The following EFCAB6 variants were observed in gnomAD, a reference collection of about 807,000 sequenced individuals.
The protein encoded by EFCAB6 is EF-hand calcium-binding domain-containing protein 6.
Under a neutral mutation model 169.8 loss-of-function variants are expected in EFCAB6, and 156 were observed. That is an observed-to-expected ratio of 0.92 (90% CI 0.81 to 1.05). EFCAB6 has a LOEUF of 1.05. EFCAB6 is among the 50% of genes least tolerant of loss of function. The pLI, the probability that EFCAB6 is intolerant of heterozygous loss-of-function variation, is 0.00. For synonymous variants in EFCAB6, 698 were observed against 676.4 expected (o/e 1.03, Z -0.50); for missense variants, 1,800 against 1,829.1 (o/e 0.98, Z 0.29).
At chr22:43,581,338 A>T (rs918048102) in intron 24 of EFCAB6, among the ~76,000 whole-genome samples, 9 of 152,204 alleles carry the variant, frequency 5.9e-5, no homozygotes, top group African/African-American at 2.2e-4. Context: ...CACTCAAAAG[A>T]TATTTTACAA....
Position 43,765,485 on chromosome 22 carries a change from A to G in EFCAB6, c.352-92T>C, listed in dbSNP as rs866774478. ...AGATTTCTAAATCACAGCTCTCAGG[A>G]TGTAACAGAGAATACTATTAACAGG... On this transcript the variant is annotated intron_variant, in intron 4 of 31. Transcript: ENST00000262726. The G allele has an allele frequency of 1.2e-5, 11 of 920,970 alleles. No individual in the cohort carries two copies. The Middle Eastern group carries it at 2.5e-3, about 206-fold the overall frequency. The allele number at this position is 920,970 out of a possible 1,614,324, so 57.0% of individuals were successfully genotyped here.
At chr22:43,811,392 GAAAAGAAAAGAAAAGAA>G (rs899118179) in intron 1 of EFCAB6, among the ~76,000 whole-genome samples, 6 of 145,874 alleles carry the variant, frequency 4.1e-5, no homozygotes, top group South Asian at 4.5e-4. Flanking sequence ...AGGGGAGGGA[GAAAAGAAAAGAAAAGAA>G]AAAAGAAAAG....
rs899272681 is a variant in EFCAB6, at chr22:43,795,438, G to T, written c.-7-13113C>A. Among the ~76,000 whole-genome samples, 3 of 152,054 alleles carry T rather than the reference G, an allele frequency of 2.0e-5. No individual in the cohort carries two copies. Among genetic ancestry groups the T allele is most frequent in the African/African-American group, 7.3e-5 (3 of 41,378 alleles). On this transcript the variant is annotated intron_variant, in intron 2 of 31. Transcript: ENST00000262726. The surrounding 1 kb of genome is among the most constrained non-coding windows in gnomAD (Gnocchi z 4.2). Reference sequence around the variant, plus strand: ...CATCATGCCTACCAGTGCCCACTAGGCAGGAGAGGAGCTGCCTCCTGCCCA... The same window carrying T: ...CATCATGCCTACCAGTGCCCACTAGTCAGGAGAGGAGCTGCCTCCTGCCCA...
At chr22:43,716,726 G>T in intron 9 of EFCAB6, 122 bp downstream of exon 9, 1 of 1,224,808 alleles carries the variant, frequency 8.2e-7, no homozygotes, top group Non-Finnish European at 1.1e-6. Context: ...CTCAGTATTG[G>T]AGAAGACATA....
At chr22:43,543,137 G>A (rs562533450) in intron 27 of EFCAB6, among the ~76,000 whole-genome samples, 4 of 152,334 alleles carry the variant, frequency 2.6e-5, no homozygotes, top group East Asian at 3.9e-4. Flanking sequence ...GGGGAGGGAC[G>A]GAATTACACA....
intron 27 of EFCAB6, chr22:43,554,355 C>G (rs967918929): frequency 3.7e-5 from 6 of 162,374 alleles, no homozygotes; most frequent in African/African-American, 1.4e-4. Flanking sequence ...TTCTTCAGCA[C>G]CCAGCACAAG....
At chr22:43,636,922 T>C (rs1372400816) in intron 17 of EFCAB6, among the ~76,000 whole-genome samples, 2 of 152,146 alleles carry the variant, frequency 1.3e-5, no homozygotes, top group Non-Finnish European at 2.9e-5. Context: ...ATTCTTCTTA[T>C]TAACCACTGT....
chr22:43,560,094 C>A (rs1022093882), intron 26 of EFCAB6, among the ~76,000 whole-genome samples: 3 of 152,008 alleles, frequency 2.0e-5, no homozygotes, highest in African/African-American at 7.3e-5. Flanking sequence ...GTTACTGAAG[C>A]AAGACTGGAA....
chr22:43,633,510 T>C (rs987233514), intron 18 of EFCAB6, among the ~76,000 whole-genome samples: 3 of 152,310 alleles, frequency 2.0e-5, no homozygotes, highest in African/African-American at 2.4e-5. Context: ...ATCATGCCAC[T>C]GCACTTCAGC....
chr22:43,727,776 T>C (rs2059792051), intron 8 of EFCAB6, among the ~76,000 whole-genome samples: 1 of 152,162 alleles, frequency 6.6e-6, no homozygotes, highest in Non-Finnish European at 1.5e-5. Context: ...AAGGAATACC[T>C]GAGACTAGAT....
At chr22:43,679,756 T>C (rs2057928862) in intron 12 of EFCAB6, among the ~76,000 whole-genome samples, 1 of 152,206 alleles carries the variant, frequency 6.6e-6, no homozygotes, top group Non-Finnish European at 1.5e-5. Flanking sequence ...CACGGGTTCA[T>C]AAAAGATTGT....
At chr22:43,659,893 C>T (rs1389301137) in intron 17 of EFCAB6, among the ~76,000 whole-genome samples, 4 of 152,116 alleles carry the variant, frequency 2.6e-5, no homozygotes, top group African/African-American at 7.2e-5. Context: ...ATGTCCCTGC[C>T]GTAGAGCAGG....
At chr22:43,555,661 G>A (rs2048662301) in intron 26 of EFCAB6, among the ~76,000 whole-genome samples, 1 of 152,238 alleles carries the variant, frequency 6.6e-6, no homozygotes, top group South Asian at 2.1e-4. Flanking sequence ...ATTAAGTGCA[G>A]TGGCATCTGC....
At chr22:43,775,928 T>A (rs2061625851) in intron 3 of EFCAB6, among the ~76,000 whole-genome samples, 1 of 152,226 alleles carries the variant, frequency 6.6e-6, no homozygotes, top group Non-Finnish European at 1.5e-5. Context: ...CAGCCCAGCC[T>A]CTGCACCTCC....
chr22:43,584,136 T>G (rs750191604), intron 24 of EFCAB6, among the ~76,000 whole-genome samples: 1 of 152,160 alleles, frequency 6.6e-6, no homozygotes, highest in Non-Finnish European at 1.5e-5. Context: ...AGGTTAAATT[T>G]AACTACCTAT....
intron 12 of EFCAB6, among the ~76,000 whole-genome samples, chr22:43,679,675 T>A (rs2057925250): frequency 6.6e-6 from 1 of 152,180 alleles, no homozygotes; most frequent in East Asian, 1.9e-4. Flanking sequence ...ATTATAGCCA[T>A]CCTAGAGGGT....
chr22:43,593,093 A>T, intron 23 of EFCAB6, among the ~76,000 whole-genome samples: 1 of 151,982 alleles, frequency 6.6e-6, no homozygotes, highest in East Asian at 1.9e-4. Flanking sequence ...GAAAACATTG[A>T]ATCTTCATTG....
At chr22:43,718,951 G>C (rs2059428645) in intron 8 of EFCAB6, among the ~76,000 whole-genome samples, 1 of 152,200 alleles carries the variant, frequency 6.6e-6, no homozygotes, top group African/African-American at 2.4e-5. Context: ...AAGTGGTCTA[G>C]CACACAGAGG....
intron 31 of EFCAB6, chr22:43,530,409 G>T: frequency 1.6e-6 from 1 of 639,280 alleles, no homozygotes; most frequent in Non-Finnish European, 1.9e-6. Flanking sequence ...TGCAGGGGCA[G>T]GGCTCACTTT....
Sources: allele counts gnomAD v4.1 joint callset (sites outside exome capture counted in the v4.1 genomes callset), GRCh38; gene constraint gnomAD v4.1.1; non-coding constraint Gnocchi (gnomAD v3.1); transcripts MANE v1.5; gene names NCBI Gene and HGNC (gene_info 2026-07-23, HGNC 2026-07-21).